CDH12: variants seen among roughly 807,000 people sequenced by gnomAD.
CDH12 encodes the protein cadherin-12.
CDH12 carries 41 observed loss-of-function variants against 74.1 expected under a neutral mutation model. The ratio of observed to expected loss-of-function variants is 0.55; its 90% confidence interval spans 0.43 to 0.72. CDH12 has a LOEUF of 0.72. CDH12 is among the 30% of genes least tolerant of loss of function. The pLI, the probability that CDH12 is intolerant of heterozygous loss-of-function variation, is 0.00. For synonymous variants in CDH12, 399 were observed against 355.0 expected (o/e 1.12, Z -1.39); for missense variants, 945 against 977.2 (o/e 0.97, Z 0.44).
chr5:22,283,296 AG>A, intron 3 of CDH12, among the ~76,000 whole-genome samples: 1 of 147,610 alleles, frequency 6.8e-6, no homozygotes, highest in African/African-American at 2.5e-5. Flanking sequence ...ATATATATAT[AG>A]CATTTACATA....
At chr5:22,628,220 G>T (rs891929026) in intron 1 of CDH12, among the ~76,000 whole-genome samples, 1 of 151,904 alleles carries the variant, frequency 6.6e-6, no homozygotes, top group Non-Finnish European at 1.5e-5. Flanking sequence ...AGATATTCAG[G>T]ACTCAAACTC....
intron 3 of CDH12, among the ~76,000 whole-genome samples, chr5:22,244,518 AAAAAAAAAAAAAAAAGAAGAAGAAG>A (rs1752853291): frequency 4.5e-5 from 1 of 22,444 alleles, no homozygotes; most frequent in Non-Finnish European, 7.9e-5. Context: ...AAAAAAAAAA[AAAAAAAAAAAAAAAAGAAGAAGAAG>A]AAGAAGAAGA....
chr5:22,763,461 T>G (rs547727279), intron 1 of CDH12, among the ~76,000 whole-genome samples: 2 of 152,024 alleles, frequency 1.3e-5, no homozygotes, highest in African/African-American at 4.8e-5. Flanking sequence ...CAAATGAAGG[T>G]CAACTCTGTT....
intron 4 of CDH12, among the ~76,000 whole-genome samples, chr5:22,148,915 TTAA>T (rs1348851612): frequency 5.9e-5 from 9 of 152,260 alleles, no homozygotes; most frequent in South Asian, 4.1e-4. Flanking sequence ...GGTCAGGAGT[TTAA>T]GACCAAACTG....
intron 2 of CDH12, among the ~76,000 whole-genome samples, chr5:22,487,147 C>T (rs954863089): frequency 6.6e-6 from 1 of 151,842 alleles, no homozygotes; most frequent in African/African-American, 2.4e-5. Context: ...GGATTACAGG[C>T]ATGTGCCACC....
At chr5:21,803,424 A>G (rs909090046) in intron 9 of CDH12, among the ~76,000 whole-genome samples, 28 of 152,128 alleles carry the variant, frequency 1.8e-4, no homozygotes, top group African/African-American at 6.5e-4. Context: ...TTGTGGCTTT[A>G]TATATTAATA....
chr5:22,032,468 T>C (rs1250263460), intron 5 of CDH12, among the ~76,000 whole-genome samples: 1 of 151,720 alleles, frequency 6.6e-6, no homozygotes, highest in African/African-American at 2.4e-5. Flanking sequence ...TCCCAGAACT[T>C]TGGAAGCTGA....
At chr5:22,286,798 A>T (rs1737152332) in intron 3 of CDH12, among the ~76,000 whole-genome samples, 1 of 152,034 alleles carries the variant, frequency 6.6e-6, no homozygotes. Context: ...CATTTTTAAT[A>T]AAAAAAGACA....
intron 3 of CDH12, among the ~76,000 whole-genome samples, chr5:22,315,870 A>T (rs1427816681): frequency 2.0e-5 from 3 of 152,034 alleles, no homozygotes; most frequent in African/African-American, 7.2e-5. Flanking sequence ...TCTGTGAAGG[A>T]GGTTTTGAAA....
chr5:21,885,971 G>A (rs944820004), intron 6 of CDH12, among the ~76,000 whole-genome samples: 2 of 152,080 alleles, frequency 1.3e-5, no homozygotes, highest in African/African-American at 4.8e-5. Flanking sequence ...AAACATATTT[G>A]GGTAGTATAT....
intron 3 of CDH12, among the ~76,000 whole-genome samples, chr5:22,315,111 C>T (rs1286347081): frequency 1.8e-5 from 1 of 56,122 alleles, no homozygotes; most frequent in Non-Finnish European, 3.7e-5. Context: ...GCCACCGTGC[C>T]TGCCTGGCTT....
intron 6 of CDH12, among the ~76,000 whole-genome samples, chr5:21,963,132 TGATATA>T (rs1756437939): frequency 6.6e-6 from 1 of 151,288 alleles, no homozygotes; most frequent in Non-Finnish European, 1.5e-5. Context: ...GATAGAGAGA[TGATATA>T]GATAGAGATT....
chr5:22,359,167 G>A (rs1290889355), intron 3 of CDH12, among the ~76,000 whole-genome samples: 2 of 152,144 alleles, frequency 1.3e-5, no homozygotes, highest in Non-Finnish European at 2.9e-5. Flanking sequence ...TCATCATAGT[G>A]CTGTATTCAG....
intron 5 of CDH12, among the ~76,000 whole-genome samples, chr5:22,055,083 A>C (rs745477256): frequency 2.6e-5 from 4 of 152,196 alleles, no homozygotes; most frequent in Non-Finnish European, 5.9e-5. Context: ...CAACTGGATT[A>C]TTGCTGAGAA....
chr5:22,423,392 T>C (rs143367184), intron 2 of CDH12, among the ~76,000 whole-genome samples: 356 of 152,194 alleles, frequency 2.3e-3, no homozygotes, highest in Non-Finnish European at 3.6e-3. Flanking sequence ...AGAACTGGGA[T>C]CCAGTCTAGA....
chr5:21,952,658 G>A lies in CDH12; in HGVS notation c.526+22433C>T, dbSNP rs190329939. The stretch of plus-strand genomic sequence containing the variant: ...CTGTGAGATGGGATGAAAGTCTTCA[G>A]GATAGACACTATACTTTCTGTTATT... On this transcript the variant is annotated intron_variant, in intron 6 of 14. Transcript: ENST00000382254. Among the ~76,000 whole-genome samples, 282 of 152,236 alleles carry A rather than the reference G, an allele frequency of 1.9e-3. 2 individuals carry two copies. The highest frequency in any genetic ancestry group is 5.0e-4 in the Non-Finnish European group (34 of 68,012).
chr5:22,640,989 C>T lies in CDH12; in HGVS notation c.-522-135625G>A, dbSNP rs187715837. On this transcript the variant is annotated intron_variant, in intron 1 of 14. Transcript: ENST00000382254. ...AGCTTTCTGATGTGCCTTCTGCCAA[C>T]TTCCCCCACTTCACTTCACCCTCAC... Among the ~76,000 whole-genome samples, 78 of 152,194 alleles carry T rather than the reference C, an allele frequency of 5.1e-4. 2 individuals are homozygous for T. Among genetic ancestry groups the T allele is most frequent in the Non-Finnish European group, 2.1e-4 (14 of 68,036 alleles).
intron 1 of CDH12, among the ~76,000 whole-genome samples, chr5:22,749,850 T>G (rs1745474868): frequency 6.6e-6 from 1 of 152,220 alleles, no homozygotes; most frequent in Non-Finnish European, 1.5e-5. Flanking sequence ...GGCAGTACAT[T>G]CTCATTATAT....
At chr5:22,268,800 A>G (rs1254159589) in intron 3 of CDH12, among the ~76,000 whole-genome samples, 3 of 152,146 alleles carry the variant, frequency 2.0e-5, no homozygotes, top group Non-Finnish European at 4.4e-5. Flanking sequence ...GCTTTTAATT[A>G]TTGAGCACCT....
Sources: allele counts gnomAD v4.1 joint callset (sites outside exome capture counted in the v4.1 genomes callset), GRCh38; gene constraint gnomAD v4.1.1; transcripts MANE v1.5; gene names NCBI Gene and HGNC (gene_info 2026-07-23, HGNC 2026-07-21).